The following LOC400499 variants were observed in gnomAD, a reference collection of about 807,000 sequenced individuals.
At chr16:11,473,752 T>C in the LOC400499 span, among the ~76,000 whole-genome samples, 1 of 118,816 alleles carries the variant, frequency 8.4e-6, no homozygotes, top group Non-Finnish European at 1.7e-5. Context: ...TGAAACTCTG[T>C]CTCAAAAAAA....
At chr16:11,525,975 C>T in the LOC400499 span, among the ~76,000 whole-genome samples, 1 of 152,166 alleles carries the variant, frequency 6.6e-6, no homozygotes, top group Non-Finnish European at 1.5e-5. Flanking sequence ...AGTGTCATCT[C>T]TAGCCAGCAA....
chr16:11,385,395 G>A, the LOC400499 span: 1 of 1,232,274 alleles, frequency 8.1e-7, no homozygotes, highest in East Asian at 3.2e-5. Flanking sequence ...CACGTGCTGG[G>A]CCCCAGCCAC....
the LOC400499 span, chr16:11,448,944 G>A: frequency 1.3e-6 from 2 of 1,497,500 alleles, no homozygotes; most frequent in African/African-American, 1.4e-5. Context: ...GTAGGCCGCT[G>A]TTAGGTTCAG....
the LOC400499 span, chr16:11,502,038 C>T: frequency 5.0e-6 from 2 of 398,976 alleles, no homozygotes; most frequent in Non-Finnish European, 8.8e-6. Context: ...TGCCCCCAGC[C>T]AGCTCCTAGT....
chr16:11,387,027 C>G, the LOC400499 span: 1 of 1,085,274 alleles, frequency 9.2e-7, no homozygotes, highest in Admixed American at 4.3e-5. Context: ...CACTGTGATG[C>G]TACTAGCCTA....
the LOC400499 span, among the ~76,000 whole-genome samples, chr16:11,483,717 A>G: frequency 6.6e-6 from 1 of 151,408 alleles, no homozygotes; most frequent in Non-Finnish European, 1.5e-5. Context: ...TTTAAAAAAA[A>G]AAAAAAAACT....
At chr16:11,437,538 G>GACA in the LOC400499 span, among the ~76,000 whole-genome samples, 2 of 152,154 alleles carry the variant, frequency 1.3e-5, 1 homozygote, top group Non-Finnish European at 2.9e-5. Context: ...CAGCCTGGGT[G>GACA]ACAGAGTAAG....
At chr16:11,462,527 TC>T in the LOC400499 span, 2 of 682,446 alleles carry the variant, frequency 2.9e-6, no homozygotes, top group South Asian at 6.6e-5. Flanking sequence ...CCTCCTGGGT[TC>T]AAGTGATTCT....
the LOC400499 span, among the ~76,000 whole-genome samples, chr16:11,380,120 C>A: frequency 6.6e-6 from 1 of 152,068 alleles, no homozygotes; most frequent in Admixed American, 6.6e-5. Context: ...CTTTTTTTCA[C>A]AAATTATATG....
At chr16:11,396,293 C>A in the LOC400499 span, 2 of 402,870 alleles carry the variant, frequency 5.0e-6, 1 homozygote, top group Non-Finnish European at 8.5e-6. Flanking sequence ...GGAGGAGCTG[C>A]CTTGTCTTGG....
the LOC400499 span, among the ~76,000 whole-genome samples, chr16:11,459,199 T>A: frequency 7.2e-6 from 1 of 139,564 alleles, no homozygotes; most frequent in East Asian, 2.0e-4. Flanking sequence ...TTTTTTTTTT[T>A]TTTTTTTTTT....
At chr16:11,457,575 G>C in the LOC400499 span, among the ~76,000 whole-genome samples, 5 of 143,354 alleles carry the variant, frequency 3.5e-5, no homozygotes, top group African/African-American at 1.3e-4. Context: ...CCTGGGCACA[G>C]GGCCAGACTC....
At chr16:11,449,014 C>G in the LOC400499 span, 1 of 1,524,514 alleles carries the variant, frequency 6.6e-7, no homozygotes, top group Non-Finnish European at 8.8e-7. Flanking sequence ...CTGTTCTCAG[C>G]ATGGATCTCG....
chr16:11,480,640 G>A, the LOC400499 span, among the ~76,000 whole-genome samples: 1 of 152,138 alleles, frequency 6.6e-6, no homozygotes, highest in Non-Finnish European at 1.5e-5. Flanking sequence ...AGAAAAAGTA[G>A]GCTAAAGATA....
the LOC400499 span, among the ~76,000 whole-genome samples, chr16:11,498,455 C>G: frequency 2.6e-5 from 4 of 151,960 alleles, no homozygotes; most frequent in Non-Finnish European, 5.9e-5. Flanking sequence ...GCACTCCAGC[C>G]TGGGCAACAG....
chr16:11,433,943 G>A, the LOC400499 span, among the ~76,000 whole-genome samples: 1 of 152,188 alleles, frequency 6.6e-6, no homozygotes, highest in Non-Finnish European at 1.5e-5. Flanking sequence ...GTTTCTCTGA[G>A]TTCTGTGAGC....
chr16:11,443,608 A>G, the LOC400499 span: 33 of 285,890 alleles, frequency 1.2e-4, no homozygotes, highest in African/African-American at 7.1e-4. Context: ...GGTGTCAGGA[A>G]GAAGACCCGG....
At chr16:11,515,647 G>A in the LOC400499 span, among the ~76,000 whole-genome samples, 1 of 149,912 alleles carries the variant, frequency 6.7e-6, no homozygotes, top group African/African-American at 2.5e-5. Flanking sequence ...AAGAGAGGAG[G>A]TAAAGGAAGG....
At chr16:11,388,688 G>C in the LOC400499 span, among the ~76,000 whole-genome samples, 2 of 152,172 alleles carry the variant, frequency 1.3e-5, no homozygotes, top group Non-Finnish European at 2.9e-5. Flanking sequence ...CTAGGTCAGA[G>C]CAGAAGCCAG....
Sources: gnomAD v4.1 joint callset for allele counts (sites outside exome capture counted in the v4.1 genomes callset) on GRCh38, gnomAD v4.1.1 for gene constraint, MANE v1.5 for transcripts.